Variants in TEX9 observed in about 807,000 individuals in gnomAD.
The protein encoded by TEX9 is testis-expressed protein 9.
A neutral mutation model predicts 59.6 loss-of-function variants in TEX9; 74 were observed. That is an observed-to-expected ratio of 1.24 (90% CI 1.03 to 1.51). The LOEUF (loss-of-function observed/expected upper bound fraction) is 1.51. Ranked by LOEUF, TEX9 falls within the 40% of genes most tolerant of loss-of-function variation. The pLI, the probability that TEX9 is intolerant of heterozygous loss-of-function variation, is 0.00. For synonymous variants in TEX9, 186 were observed against 152.2 expected (o/e 1.22, Z -1.64); for missense variants, 522 against 447.8 (o/e 1.17, Z -1.49).
chr15:56,315,390 T>C (rs1329398373), intron 1 of TEX9, among the ~76,000 whole-genome samples: 6 of 148,850 alleles, frequency 4.0e-5, no homozygotes, highest in Non-Finnish European at 7.5e-5. Flanking sequence ...TAAAGTATTT[T>C]ATTTCTCCTT....
At chr15:56,438,676 G>A (rs1323809987) in intron 12 of TEX9, among the ~76,000 whole-genome samples, 1 of 152,140 alleles carries the variant, frequency 6.6e-6, no homozygotes, top group Non-Finnish European at 1.5e-5. Flanking sequence ...CTTCCGCACA[G>A]CAAAAGAAAC....
chr15:56,258,705 A>G (rs1482790910), intron 1 of TEX9, among the ~76,000 whole-genome samples: 1 of 151,720 alleles, frequency 6.6e-6, no homozygotes, highest in Non-Finnish European at 1.5e-5. Flanking sequence ...GTTTATTCTT[A>G]TTTAGATTTC....
At chr15:56,319,932 A>G (rs532396340) in intron 1 of TEX9, among the ~76,000 whole-genome samples, 1 of 152,340 alleles carries the variant, frequency 6.6e-6, no homozygotes, top group South Asian at 2.1e-4. Flanking sequence ...AAAACATGGT[A>G]TATGATGTGG....
intron 1 of TEX9, among the ~76,000 whole-genome samples, chr15:56,357,321 G>A (rs1366094914): frequency 6.6e-6 from 1 of 151,966 alleles, no homozygotes; most frequent in Non-Finnish European, 1.5e-5. Context: ...TACTTTAATT[G>A]CTTCTTTGTA....
chr15:56,333,473 A>G (rs113490999), intron 1 of TEX9, among the ~76,000 whole-genome samples: 5 of 20,106 alleles, frequency 2.5e-4, no homozygotes, highest in Admixed American at 1.6e-3. Context: ...ACACTCCTTC[A>G]TGATAAAAAA....
At chr15:56,271,447 T>C (rs1236750047) in intron 1 of TEX9, among the ~76,000 whole-genome samples, 2 of 152,174 alleles carry the variant, frequency 1.3e-5, no homozygotes, top group East Asian at 3.9e-4. Flanking sequence ...AGCTTGTGCA[T>C]GCGTCACGTA....
intron 2 of TEX9, among the ~76,000 whole-genome samples, chr15:56,370,294 G>GAA (rs2047137455): frequency 6.6e-6 from 1 of 151,916 alleles, no homozygotes; most frequent in Non-Finnish European, 1.5e-5. Flanking sequence ...TTGTTGTTTT[G>GAA]AATACACCCA....
At chr15:56,262,140 C>G (rs1161468572) in intron 1 of TEX9, among the ~76,000 whole-genome samples, 1 of 151,978 alleles carries the variant, frequency 6.6e-6, no homozygotes, top group African/African-American at 2.4e-5. Context: ...AACCAGGAAG[C>G]AAAAAATGTT....
intron 12 of TEX9, chr15:56,444,792 C>A (rs1430560120): frequency 3.2e-6 from 3 of 929,466 alleles, no homozygotes; most frequent in Non-Finnish European, 4.8e-6. Flanking sequence ...ATTTTTTCAT[C>A]TGTCTAGGTT....
chr15:56,385,939 T>A (rs1200213028), intron 4 of TEX9, among the ~76,000 whole-genome samples: 1 of 152,048 alleles, frequency 6.6e-6, no homozygotes, highest in Non-Finnish European at 1.5e-5. Context: ...AGTATTTCCC[T>A]TCCTAGATAT....
At chr15:56,436,830 C>A (rs564280654) in intron 12 of TEX9, among the ~76,000 whole-genome samples, 1 of 152,092 alleles carries the variant, frequency 6.6e-6, no homozygotes, top group African/African-American at 2.4e-5. Context: ...AACACCTCTA[C>A]GCAAATAAAC....
At position 56,422,298 on chromosome 15, in the gene TEX9, T is replaced by A. The variant is rs186402513; in HGVS notation, c.964-5307T>A. On this transcript the variant is annotated intron_variant, in intron 10 of 12. Coordinates refer to ENST00000352903, the Ensembl canonical transcript of TEX9. ...AATAAAAAAATCCAATCTGACAGTC[T>A]CTTTTTAATTGAGGTGCTTACACCA... Among the ~76,000 whole-genome samples, 527 of 151,868 alleles carry A rather than the reference T, an allele frequency of 3.5e-3. 17 individuals are homozygous for A. The highest frequency in any genetic ancestry group is 0.012 in the African/African-American group (477 of 41,232).
At chr15:56,311,218 G>A (rs1737376875) in intron 1 of TEX9, among the ~76,000 whole-genome samples, 1 of 139,326 alleles carries the variant, frequency 7.2e-6, no homozygotes, top group Non-Finnish European at 1.5e-5. Flanking sequence ...ATGTATACAT[G>A]TGCCATGCTG....
chr15:56,318,993 G>T (rs1426918672), intron 1 of TEX9, among the ~76,000 whole-genome samples: 4 of 152,050 alleles, frequency 2.6e-5, no homozygotes, highest in East Asian at 1.9e-4. Flanking sequence ...TGTATTAAAG[G>T]TCTTCAATGT....
At chr15:56,402,151 T>C (rs987945281) in intron 9 of TEX9, among the ~76,000 whole-genome samples, 1 of 151,888 alleles carries the variant, frequency 6.6e-6, no homozygotes, top group East Asian at 1.9e-4. Context: ...CTGAAGGAGA[T>C]AGAGACATGA....
At chr15:56,318,290 G>A (rs1428954683) in intron 1 of TEX9, among the ~76,000 whole-genome samples, 1 of 151,942 alleles carries the variant, frequency 6.6e-6, no homozygotes, top group East Asian at 1.9e-4. Flanking sequence ...TTGCTTTGAC[G>A]TCTATTTCAT....
chr15:56,253,845 G>T (rs1236115074), intron 1 of TEX9, among the ~76,000 whole-genome samples: 1 of 151,946 alleles, frequency 6.6e-6, no homozygotes, highest in Non-Finnish European at 1.5e-5. Context: ...AAAAAAAAAT[G>T]GAATAGACTA....
chr15:56,314,855 T>G (rs2045715273), intron 1 of TEX9, among the ~76,000 whole-genome samples: 1 of 151,944 alleles, frequency 6.6e-6, no homozygotes, highest in African/African-American at 2.4e-5. Flanking sequence ...GCATATATAT[T>G]TAGGATAGTT....
At chr15:56,414,524 A>G (rs12708449) in intron 10 of TEX9, among the ~76,000 whole-genome samples, 46,170 of 151,530 alleles carry the variant, frequency 0.3, 8,023 homozygotes, top group Middle Eastern at 0.47. Flanking sequence ...TTAGTTTGCT[A>G]AGGATAACTG....
Sources: allele counts gnomAD v4.1 joint callset (sites outside exome capture counted in the v4.1 genomes callset), GRCh38; gene constraint gnomAD v4.1.1; transcripts MANE v1.5; gene names NCBI Gene and HGNC (gene_info 2026-07-23, HGNC 2026-07-21).